SEMA4C: variants seen among roughly 807,000 people sequenced by gnomAD.
SEMA4C encodes semaphorin-4C.
A neutral mutation model predicts 89.0 loss-of-function variants in SEMA4C; 19 were observed. That is an observed-to-expected ratio of 0.21 (90% CI 0.15 to 0.31). The LOEUF is 0.31. Among genes scored for constraint, SEMA4C ranks in the 10% least tolerant of loss-of-function variants. SEMA4C has a pLI of 1.00. For missense variants in SEMA4C, 811 were observed against 1,107.0 expected, an observed-to-expected ratio of 0.73 and a Z score of 3.79; for synonymous variants, 428 against 472.7, an observed-to-expected ratio of 0.91 and a Z score of 1.23.
At position 96,864,458 on chromosome 2, in the gene SEMA4C, G is replaced by A; in HGVS notation, c.963-76C>T. On this transcript the variant is annotated intron_variant, in intron 9 of 14. Coordinates refer to ENST00000305476, the MANE Select transcript of SEMA4C (RefSeq NM_017789.5). The surrounding 1 kb of genome is among the most constrained non-coding windows in gnomAD (Gnocchi z 6.3). ...CACCCCAGCTAAGGGCAAGCAGCAGGAAGGCAGGGCCTGGCACAAACTGGC... is the reference window on the plus strand; with the variant it reads ...CACCCCAGCTAAGGGCAAGCAGCAGAAAGGCAGGGCCTGGCACAAACTGGC... 6.3e-7 allele frequency: 1 copy of A among 1,586,756 alleles called. No homozygotes were observed. Among genetic ancestry groups the A allele is most frequent in the Non-Finnish European group, 8.6e-7 (1 of 1,168,906 alleles).
chr2:96,867,842 C>A lies in SEMA4C; in HGVS notation c.45G>T (p.Trp15Cys), dbSNP rs2080116636. ...ACACCTCAGCCCCAATGCCCAGGCC[C>A]CACAGCCTTGCTGCCAGCAGCCAGA... The part of the protein sequence containing the change: ...WAVWLLAARL[W>C]GLGIGAEVWW... The change falls in exon 2 of 15, where the codon TGG becomes TGT. Residue 15 changes from tryptophan (W) to cysteine (C), a missense_variant. Coordinates refer to ENST00000305476, the MANE Select transcript of SEMA4C (RefSeq NM_017789.5). The A allele has an allele frequency of 1.2e-6, 2 of 1,613,600 alleles. No homozygotes were observed.
chr2:96,864,958 C>A lies in SEMA4C; in HGVS notation c.786+6G>T. 6.3e-7 allele frequency: 1 copy of A among 1,591,776 alleles called. No homozygotes were observed. Among genetic ancestry groups the A allele is most frequent in the Non-Finnish European group, 8.5e-7 (1 of 1,169,770 alleles). On this transcript the variant is annotated splice_donor_region_variant and intron_variant, in intron 8 of 14. Transcript: ENST00000305476. The surrounding 1 kb of genome is among the most constrained non-coding windows in gnomAD (Gnocchi z 6.3). ...TCCCAGGGCCCACCGCTGTGAGACT[C>A]GGTACCTTGCAGACACGGGCCACAC...
rs2079995845 is a variant in SEMA4C, at chr2:96,863,358, T to A, written c.1443+324A>T. 1.7e-5 allele frequency: 19 copies of A among 1,115,556 alleles called. 1 individual carries two copies. The South Asian group carries it at 5.1e-4, about 30-fold the overall frequency. The allele number at this position is 1,115,556 out of a possible 1,614,324, so 69.1% of individuals were successfully genotyped here. Reference sequence around the variant, plus strand: ...GGGAGGTCTGGTCACAGGGGCATGGTCAGGGAAGAGGCCAGAGCCAGAACC... The same window carrying A: ...GGGAGGTCTGGTCACAGGGGCATGGACAGGGAAGAGGCCAGAGCCAGAACC... On this transcript the variant is annotated intron_variant, in intron 12 of 14. Transcript: ENST00000305476.
At chr2:96,865,643 C>T (rs765677048) in intron 5 of SEMA4C, 23 bp downstream of exon 5, 31 of 1,610,920 alleles carry the variant, frequency 1.9e-5, no homozygotes, top group Non-Finnish European at 2.3e-5. Context: ...CTGGGGACAC[C>T]GAGGTAGGAG....
Position 96,860,899 on chromosome 2 carries a change from A to C in SEMA4C, c.2229T>G (p.Leu743=). The C allele has an allele frequency of 6.2e-7, 1 of 1,613,108 alleles. No individual in the cohort carries two copies. Among genetic ancestry groups the C allele is most frequent in the Non-Finnish European group, 8.5e-7 (1 of 1,180,008 alleles). The change falls in exon 15 of 15, where the codon CTT becomes CTG. Residue 743 remains leucine, a synonymous_variant. Coordinates refer to ENST00000305476, the MANE Select transcript of SEMA4C (RefSeq NM_017789.5). ...ACCGGGCATGCCCAGGTACTATCTT[A>C]AGGGAGCCATCTGAATAGTAGTAAC... is the stretch of plus-strand genomic sequence containing the variant. ...PVGYYYSDGS[L]KIVPGHARCQ... is the part of the protein sequence containing the mutation.
rs2094735288 is a variant in SEMA4C at position 96,864,727 on chromosome 2, A to G, written c.940T>C (p.Phe314Leu). 1 of 1,611,642 alleles carries G rather than the reference A, an allele frequency of 6.2e-7. No individual in the cohort carries two copies. The highest frequency in any genetic ancestry group is 8.5e-7 in the Non-Finnish European group (1 of 1,178,348). Residue 314 changes from phenylalanine to leucine, a missense_variant, in exon 9 of 15, where the codon TTT becomes CTT. Physicochemically the swap from Phe to Leu is conservative, Grantham distance 22 (BLOSUM62 0). Transcript: ENST00000305476. This position sits in a 1 kb window ranked among gnomAD's most constrained non-coding sequence, Gnocchi z 6.3. The part of the protein sequence containing the change: ...QDTSWHNTTF[F>L]GVFQAQWGDM... ...CACCACTGTGCTTGAAAAACCCCAA[A>G]GAAGGTGGTGTTGTGCCAGGAGGTG...
rs1466161900 is a variant in SEMA4C, at chr2:96,863,967, C to A, written c.1289G>T (p.Gly430Val). 1 of 1,613,456 alleles carries A rather than the reference C, an allele frequency of 6.2e-7. No individual in the cohort carries two copies. Among genetic ancestry groups the A allele is most frequent in the Non-Finnish European group, 8.5e-7 (1 of 1,179,914 alleles). ...CACTGTATAGGTGGCTCCATCAAGT[C>A]CTGTAACCCGGTCGGCCACCAGGTG... Reference protein sequence around the residue: ...FTHLVADRVTGLDGATYTVLF... With the variant: ...FTHLVADRVTVLDGATYTVLF... Residue 430 changes from glycine (G) to valine (V), a missense_variant, in exon 11 of 15, where the codon GGA (glycine) becomes GTA (valine). Gly to Val is a moderately radical substitution (Grantham distance 109). Coordinates refer to ENST00000305476, the MANE Select transcript of SEMA4C (RefSeq NM_017789.5).
In SEMA4C at chr2:96,864,378, C is replaced by T. The variant is rs1039263546; in HGVS notation, c.967G>A (p.Asp323Asn). The T allele has an allele frequency of 6.2e-7, 1 of 1,613,528 alleles. No individual in the cohort carries two copies. Among genetic ancestry groups the T allele is most frequent in the African/African-American group, 1.3e-5 (1 of 75,032 alleles). The change falls in exon 10 of 15, where the codon GAC becomes AAC. Residue 323 changes from aspartate (D) to asparagine (N), a missense_variant. Transcript: ENST00000305476. The surrounding 1 kb of genome is among the most constrained non-coding windows in gnomAD (Gnocchi z 6.3). The stretch of plus-strand genomic sequence containing the variant: ...TCACAGATGGCCGACAGGTACATGT[C>T]ACCCCTGTCACAGCGAGAGGGAGCC... ...FFGVFQAQWG[D>N]MYLSAICEYQ...
Position 96,865,423 on chromosome 2 carries a change from T to A in SEMA4C, c.517+18A>T, listed in dbSNP as rs752690082. 6.2e-7 allele frequency: 1 copy of A among 1,612,416 alleles called. No homozygotes were observed. The highest frequency in any genetic ancestry group is 8.5e-7 in the Non-Finnish European group (1 of 1,178,828). On this transcript the variant is annotated intron_variant, in intron 6 of 14. Transcript: ENST00000305476. ...GCCCCAAGGACTCACCCAGCCTGCA[T>A]GGGGGGCAGCCACTCACCCACAAGA...
chr2:96,867,066 C>T (rs7604991), intron 2 of SEMA4C: 5,772 of 202,492 alleles, frequency 0.029, 340 homozygotes, highest in African/African-American at 0.13. Flanking sequence ...ACCCGGCATG[C>T]AGGGCACTAC....
intron 12 of SEMA4C, chr2:96,862,378 G>A (rs1341068219): frequency 1.3e-5 from 2 of 158,286 alleles, no homozygotes; most frequent in African/African-American, 2.4e-5. Context: ...GCTGGTAAAA[G>A]GCAAACAAAT....
At position 96,866,248 on chromosome 2, in the gene SEMA4C, CAGGCCCGACTGCCT is replaced by C. The variant is rs757851359; in HGVS notation, c.258+21_258+34del. On this transcript the variant is annotated intron_variant, in intron 3 of 14. Coordinates refer to ENST00000305476, the MANE Select transcript of SEMA4C (RefSeq NM_017789.5). ...AGCCCCTCTGGGCCTTGCCCTCTGG[CAGGCCCGACTGCCT>C]CCCACTGCCCCACCTCTCACCGCTC... The C allele has an allele frequency of 1.9e-6, 3 of 1,580,100 alleles. No individual in the cohort carries two copies. In the South Asian group the frequency reaches 3.5e-5, roughly 18 times the overall value.
intron 1 of SEMA4C, chr2:96,869,283 C>A: frequency 2.0e-6 from 2 of 985,338 alleles, no homozygotes; most frequent in Non-Finnish European, 2.4e-6. Context: ...AACGGGCAGC[C>A]GGGAGGAGGG....
Position 96,867,876 on chromosome 2 carries a change from T to G in SEMA4C, c.11A>C (p.His4Pro). 2 of 1,613,498 alleles carry G rather than the reference T, an allele frequency of 1.2e-6. No individual in the cohort carries two copies. The highest frequency in any genetic ancestry group is 1.7e-6 in the Non-Finnish European group (2 of 1,180,000). ...TGCTGCCAGCAGCCAGACAGCCCAGTGTGGGGCCATGGCGCACGCCCCGGC... is the reference window on the plus strand; with the variant it reads ...TGCTGCCAGCAGCCAGACAGCCCAGGGTGGGGCCATGGCGCACGCCCCGGC... MAP[H>P]WAVWLLAARL... Residue 4 changes from histidine (H) to proline (P), a missense_variant, in exon 2 of 15, where the codon CAC becomes CCC. Coordinates refer to ENST00000305476, the MANE Select transcript of SEMA4C (RefSeq NM_017789.5).
At chr2:96,869,199 C>T (rs1411444344) in intron 1 of SEMA4C, 1 of 985,394 alleles carries the variant, frequency 1.0e-6, no homozygotes, top group Non-Finnish European at 1.2e-6. Context: ...GAGGATCGGG[C>T]CGCACCCCGT....
chr2:96,870,139 G>A (rs2080172916), upstream of SEMA4C: 2 of 976,882 alleles, frequency 2.0e-6, no homozygotes, highest in Non-Finnish European at 2.4e-6. Context: ...GGGTCGAGCG[G>A]AGGCCGGGGG....
At chr2:96,869,644 G>A (rs1326432149) in intron 1 of SEMA4C, 2 of 985,082 alleles carry the variant, frequency 2.0e-6, no homozygotes, top group Non-Finnish European at 2.4e-6. Context: ...GCGCCCCTCC[G>A]GCCCCGGGGC....
In SEMA4C at chr2:96,864,916, C is replaced by T. The variant is rs773879115; in HGVS notation, c.787-36G>A. 1.2e-5 allele frequency: 19 copies of T among 1,611,338 alleles called. No homozygotes were observed. The highest frequency in any genetic ancestry group is 5.3e-5 in the African/African-American group (4 of 74,908). ...GCAAGGGGACACTGCCGGTCAGCCCCGCTGGGCCAGCAGGGCTCCCAGGGC... is the reference window on the plus strand; with the variant it reads ...GCAAGGGGACACTGCCGGTCAGCCCTGCTGGGCCAGCAGGGCTCCCAGGGC... On this transcript the variant is annotated intron_variant, in intron 8 of 14. Coordinates refer to ENST00000305476, the MANE Select transcript of SEMA4C (RefSeq NM_017789.5). The surrounding 1 kb of genome is among the most constrained non-coding windows in gnomAD (Gnocchi z 6.3).
chr2:96,860,964 G>C lies in SEMA4C; in HGVS notation c.2164C>G (p.Pro722Ala). 1 of 1,613,050 alleles carries C rather than the reference G, an allele frequency of 6.2e-7. No individual in the cohort carries two copies. Among genetic ancestry groups the C allele is most frequent in the Non-Finnish European group, 8.5e-7 (1 of 1,180,030 alleles). ...PKEPTSPPFR[P>A]CPEPDEKLWD... is the part of the protein sequence containing the mutation. ...AGTTTCTCATCTGGTTCAGGACAGG[G>C]CCGGAAGGGGGGACTGGTGGGCTCC... The change falls in exon 15 of 15, where the codon CCC becomes GCC. Residue 722 changes from proline to alanine, a missense_variant. Physicochemically the swap from Pro to Ala is conservative, Grantham distance 27. Transcript: ENST00000305476.
Sources: allele counts gnomAD v4.1 joint callset, GRCh38; gene constraint gnomAD v4.1.1; non-coding constraint Gnocchi (gnomAD v3.1); transcripts MANE v1.5; gene names NCBI Gene and HGNC (gene_info 2026-07-23, HGNC 2026-07-21).